The following TMPRSS2 variants were observed in gnomAD, a reference collection of about 807,000 sequenced individuals.
TMPRSS2 encodes transmembrane serine protease 2.
TMPRSS2 carries 59 observed loss-of-function variants against 67.4 expected under a neutral mutation model. The observed-to-expected ratio is 0.88, with a 90% CI of 0.71 to 1.09. TMPRSS2 has a LOEUF of 1.09. Among genes scored for constraint, TMPRSS2 ranks in the 50% least tolerant of loss-of-function variants. TMPRSS2 has a pLI of 0.00. For synonymous variants in TMPRSS2, 257 were observed against 257.0 expected (o/e 1.00, Z 0.00); for missense variants, 668 against 642.7 (o/e 1.04, Z -0.43).
Position 41,498,198 on chromosome 21 carries a change from A to G in TMPRSS2, c.-56-9T>C. The G allele has an allele frequency of 6.3e-7, 1 of 1,588,634 alleles. No individual in the cohort carries two copies. On this transcript the variant is annotated splice_polypyrimidine_tract_variant and intron_variant, in intron 1 of 13. Coordinates refer to ENST00000332149, the MANE Select transcript of TMPRSS2 (RefSeq NM_005656.4). ...GGAATGTTCAATATGACCTAGAAGA[A>G]AGAATTACAGGACTGTAATATTTCC...
intron 13 of TMPRSS2, 46 bp from the exon 14 acceptor site, chr21:41,466,199 AC>A (rs2091082006): frequency 6.2e-7 from 1 of 1,608,730 alleles, no homozygotes; most frequent in African/African-American, 1.3e-5. Flanking sequence ...CTTAAGACAA[AC>A]AAAGGTGGAA....
chr21:41,500,106 A>T (rs2091414069), intron 1 of TMPRSS2, among the ~76,000 whole-genome samples: 1 of 152,170 alleles, frequency 6.6e-6, no homozygotes, highest in Non-Finnish European at 1.5e-5. Context: ...CTGACCTCTG[A>T]GACTAGACTC....
rs1280235763 is a variant in TMPRSS2 at position 41,498,190 on chromosome 21, C to T, written c.-56-1G>A. The stretch of plus-strand genomic sequence containing the variant: ...AGGTATCTGGAATGTTCAATATGAC[C>T]TAGAAGAAAGAATTACAGGACTGTA... On this transcript the variant is annotated splice_acceptor_variant, in intron 1 of 13. Transcript: ENST00000332149. LOFTEE classifies it low-confidence loss of function (5UTR_SPLICE). The T allele has an allele frequency of 6.2e-7, 1 of 1,604,414 alleles. No individual in the cohort carries two copies. The highest frequency in any genetic ancestry group is 1.7e-5 in the Admixed American group (1 of 59,636).
At chr21:41,507,948 A>G in intron 1 of TMPRSS2, 133 bp downstream of exon 1, 2 of 1,480,804 alleles carry the variant, frequency 1.4e-6, no homozygotes, top group Non-Finnish European at 1.8e-6. Flanking sequence ...GGGCGCACTC[A>G]CCTGCCGCGC....
chr21:41,464,984 G>A lies in TMPRSS2; in HGVS notation c.*1158C>T. On this transcript the variant is annotated 3_prime_UTR_variant, in exon 14 of 14. Coordinates refer to ENST00000332149, the MANE Select transcript of TMPRSS2 (RefSeq NM_005656.4). ...CCCTTCCCCTGGTTGGAAACCCACA[G>A]CATTGGAAGGGACCACAGAGAGTCC... 1 of 233,288 alleles carries A rather than the reference G, an allele frequency of 4.3e-6. No homozygotes were observed. Among genetic ancestry groups the A allele is most frequent in the Non-Finnish European group, 8.5e-6 (1 of 118,050 alleles). 14.5% of individuals were successfully genotyped at this position (233,288 alleles called of 1,614,324 possible).
At chr21:41,485,263 G>A (rs552607028) in intron 5 of TMPRSS2, among the ~76,000 whole-genome samples, 2 of 151,828 alleles carry the variant, frequency 1.3e-5, no homozygotes, top group South Asian at 4.2e-4. Flanking sequence ...AAATAAATAC[G>A]ACTTAAATAT....
chr21:41,469,211 C>T lies in TMPRSS2; in HGVS notation c.1172-673G>A, dbSNP rs181461974. Among the ~76,000 whole-genome samples, 140 of 152,216 alleles carry T rather than the reference C, an allele frequency of 9.2e-4. 1 individual carries two copies. Among genetic ancestry groups the T allele is most frequent in the African/African-American group, 3.1e-3 (127 of 41,530 alleles). ...CTTCAGCCACAGAGTGGAAAGCCAT[C>T]GTCCCTGACTTCTCACTCTCTCTCC... On this transcript the variant is annotated intron_variant, in intron 11 of 13. Transcript: ENST00000332149.
chr21:41,468,205 G>T, intron 12 of TMPRSS2, 191 bp downstream of exon 12: 1 of 684,690 alleles, frequency 1.5e-6, no homozygotes, highest in Non-Finnish European at 2.4e-6. Context: ...GGGTGTGTGT[G>T]ATTTGTTGAC....
chr21:41,468,687 C>A, intron 11 of TMPRSS2, 149 bp from the exon 12 acceptor site: 1 of 816,174 alleles, frequency 1.2e-6, no homozygotes, highest in Non-Finnish European at 1.9e-6. Context: ...ATCCCAGCAC[C>A]AACCCCTCTC....
intron 1 of TMPRSS2, among the ~76,000 whole-genome samples, chr21:41,504,939 G>A (rs2091447927): frequency 6.6e-6 from 1 of 152,116 alleles, no homozygotes; most frequent in Non-Finnish European, 1.5e-5. Context: ...GAGGGGCGGG[G>A]AAGAGTAGCA....
intron 10 of TMPRSS2, 131 bp from the exon 11 acceptor site, chr21:41,470,874 T>G: frequency 1.7e-6 from 1 of 599,308 alleles, no homozygotes; most frequent in South Asian, 2.4e-5. Context: ...TCCCAACAAG[T>G]CCCACATTCT....
intron 2 of TMPRSS2, among the ~76,000 whole-genome samples, chr21:41,497,197 GGT>G (rs1332507328): frequency 6.6e-6 from 1 of 152,138 alleles, no homozygotes; most frequent in Non-Finnish European, 1.5e-5. Flanking sequence ...TCAATGGACA[GGT>G]GTTCTGAGCA....
intron 3 of TMPRSS2, among the ~76,000 whole-genome samples, chr21:41,490,537 G>A (rs1390812336): frequency 6.6e-6 from 1 of 152,260 alleles, no homozygotes; most frequent in African/African-American, 2.4e-5. Flanking sequence ...GACAGCGCCA[G>A]TGCAGGCCTT....
rs993006604 is a variant in TMPRSS2, at chr21:41,467,591, G to A, written c.1467+143C>T. Reference sequence around the variant, plus strand: ...AATGGGTGGACACTGGGGGGATGGGGCTGTGGCTGGAGGAAGCAGAGTTTG... The same window carrying A: ...AATGGGTGGACACTGGGGGGATGGGACTGTGGCTGGAGGAAGCAGAGTTTG... On this transcript the variant is annotated intron_variant, in intron 13 of 13. Coordinates refer to ENST00000332149, the MANE Select transcript of TMPRSS2 (RefSeq NM_005656.4). 7 of 869,170 alleles carry A rather than the reference G, an allele frequency of 8.1e-6. No individual in the cohort carries two copies. The African/African-American group carries it at 8.4e-5, about 10-fold the overall frequency. The allele number at this position is 869,170 out of a possible 1,614,324, so 53.8% of individuals were successfully genotyped here. A position where few individuals can be genotyped will look rare whatever the true frequency, so the allele number is the denominator to read the frequency against.
chr21:41,481,376 GC>G (rs2091255955), intron 5 of TMPRSS2, among the ~76,000 whole-genome samples: 1 of 152,100 alleles, frequency 6.6e-6, no homozygotes, highest in African/African-American at 2.4e-5. Context: ...TATTGTGTGA[GC>G]CCACGTATTG....
At chr21:41,483,766 C>CTT (rs35641122) in intron 5 of TMPRSS2, among the ~76,000 whole-genome samples, 37,847 of 140,598 alleles carry the variant, frequency 0.27, 5,364 homozygotes, top group Middle Eastern at 0.35. Context: ...CAAGCTAGTC[C>CTT]TTTTTTTTTT....
chr21:41,486,042 G>T (rs1457013709), intron 5 of TMPRSS2, among the ~76,000 whole-genome samples: 2 of 152,186 alleles, frequency 1.3e-5, no homozygotes, highest in East Asian at 3.8e-4. Flanking sequence ...TAGAATTCTC[G>T]GCCAGCTCTG....
At chr21:41,507,341 A>G (rs1437786636) in intron 1 of TMPRSS2, among the ~76,000 whole-genome samples, 1 of 152,066 alleles carries the variant, frequency 6.6e-6, no homozygotes, top group Admixed American at 6.5e-5. Context: ...CGGAGGAGCC[A>G]GACCGGCTCC....
chr21:41,500,588 C>T (rs1037718523), intron 1 of TMPRSS2, among the ~76,000 whole-genome samples: 13 of 152,274 alleles, frequency 8.5e-5, no homozygotes, highest in Non-Finnish European at 1.8e-4. Flanking sequence ...CAACAGGTTA[C>T]AACAAACATG....
Sources: allele counts gnomAD v4.1 joint callset (sites outside exome capture counted in the v4.1 genomes callset), GRCh38; gene constraint gnomAD v4.1.1; transcripts MANE v1.5; gene names NCBI Gene and HGNC (gene_info 2026-07-23, HGNC 2026-07-21).